HPCAL1: variants seen among roughly 807,000 people sequenced by gnomAD.
HPCAL1 encodes hippocalcin-like protein 1.
A neutral mutation model predicts 17.1 loss-of-function variants in HPCAL1; 8 were observed. The observed-to-expected ratio is 0.47, with a 90% confidence interval of 0.27 to 0.84. The LOEUF (loss-of-function observed/expected upper bound fraction) is 0.84, where lower values mean the gene tolerates loss of function less well. Among genes scored for constraint, HPCAL1 ranks in the 40% least tolerant of loss-of-function variants. HPCAL1 has a pLI of 0.13. For missense variants in HPCAL1, 165 were observed against 271.1 expected (o/e 0.61, Z 2.75); for synonymous variants, 112 against 111.4 (o/e 1.01, Z -0.03).
At chr2:10,306,973 C>T (rs902644063) in intron 1 of HPCAL1, among the ~76,000 whole-genome samples, 1 of 152,174 alleles carries the variant, frequency 6.6e-6, no homozygotes, top group South Asian at 2.1e-4. Flanking sequence ...GTGCCTTTAC[C>T]TTAAGAAGCA....
Position 10,419,602 on chromosome 2 carries a change from C to A in HPCAL1, c.-24-132C>A. ...GGTCCATAAGATAGCGGCATGCCTT[C>A]CGATGGGGGACCCGGGAGTTGCTGA... On this transcript the variant is annotated intron_variant, in intron 2 of 4. Coordinates refer to ENST00000307845, the MANE Select transcript of HPCAL1 (RefSeq NM_002149.4). The surrounding 1 kb of genome is among the most constrained non-coding windows in gnomAD (Gnocchi z 5.0). 1.3e-6 allele frequency: 1 copy of A among 795,052 alleles called. No homozygotes were observed. Among genetic ancestry groups the A allele is most frequent in the Non-Finnish European group, 1.9e-6 (1 of 517,268 alleles). 49.2% of individuals were successfully genotyped at this position (795,052 alleles called of 1,614,324 possible).
At chr2:10,387,533 A>G (rs1193033628) in intron 1 of HPCAL1, among the ~76,000 whole-genome samples, 1 of 152,216 alleles carries the variant, frequency 6.6e-6, no homozygotes. Context: ...CATGCTGGTA[A>G]GCAGGCGATA....
intron 1 of HPCAL1, among the ~76,000 whole-genome samples, chr2:10,328,845 G>T (rs184275930): frequency 2.0e-5 from 3 of 151,896 alleles, no homozygotes; most frequent in Admixed American, 6.6e-5. Context: ...TTCGACATGT[G>T]GGGGGTTGCT....
At chr2:10,358,958 A>C (rs534736406) in intron 1 of HPCAL1, among the ~76,000 whole-genome samples, 9 of 152,216 alleles carry the variant, frequency 5.9e-5, no homozygotes, top group Non-Finnish European at 1.0e-4. Context: ...CCGGGGCTTC[A>C]GCTGTAAACA....
At chr2:10,352,555 G>C (rs1353356925) in intron 1 of HPCAL1, among the ~76,000 whole-genome samples, 2 of 152,246 alleles carry the variant, frequency 1.3e-5, no homozygotes, top group East Asian at 3.8e-4. Context: ...GGCCATGCAT[G>C]CTGGGGCAAG....
In HPCAL1 at chr2:10,360,189, A is replaced by C. The variant is rs574429185; in HGVS notation, c.-110-36646A>C. Among the ~76,000 whole-genome samples, 19 of 152,256 alleles carry C rather than the reference A, an allele frequency of 1.2e-4. No individual in the cohort carries two copies. In the South Asian group the frequency reaches 4.0e-3, roughly 32 times the overall value. On this transcript the variant is annotated intron_variant, in intron 1 of 4. Transcript: ENST00000307845. ...GGAGCTGGCAAGGGAGGGGTGCACC[A>C]CCAGGGAAGGGAATTCCAGGCAGCA...
chr2:10,333,269 A>G (rs944318810), intron 1 of HPCAL1, among the ~76,000 whole-genome samples: 4 of 152,254 alleles, frequency 2.6e-5, no homozygotes, highest in African/African-American at 7.2e-5. Flanking sequence ...TCAGGTGGTC[A>G]CAGTGAATTG....
intron 2 of HPCAL1, among the ~76,000 whole-genome samples, chr2:10,411,948 G>A (rs1243476075): frequency 6.6e-6 from 1 of 152,198 alleles, no homozygotes; most frequent in African/African-American, 2.4e-5. Context: ...TTCCAGAGAA[G>A]ATTCCTCCCC....
rs1054781146 is a variant in HPCAL1, at chr2:10,365,886, C to T, written c.-110-30949C>T. On this transcript the variant is annotated intron_variant, in intron 1 of 4. Coordinates refer to ENST00000307845, the MANE Select transcript of HPCAL1 (RefSeq NM_002149.4). The surrounding 1 kb of genome is among the most constrained non-coding windows in gnomAD (Gnocchi z 4.8). Reference sequence around the variant, plus strand: ...CGCCTGCTGGGTGCTGAGCCCACACCGCATGTCCTCGGCCTCCCATTGAGA... The same window carrying T: ...CGCCTGCTGGGTGCTGAGCCCACACTGCATGTCCTCGGCCTCCCATTGAGA... 2.0e-5 allele frequency among the ~76,000 whole-genome samples: 3 copies of T among 152,212 alleles called. No individual in the cohort carries two copies. Among genetic ancestry groups the T allele is most frequent in the Admixed American group, 6.5e-5 (1 of 15,284 alleles).
intron 3 of HPCAL1, among the ~76,000 whole-genome samples, 161 bp from the exon 4 acceptor site, chr2:10,422,822 G>T (rs185486192): frequency 6.6e-6 from 1 of 152,342 alleles, no homozygotes; most frequent in Non-Finnish European, 1.5e-5. Context: ...CACCCGTGAG[G>T]TTCACTAGGG....
intron 2 of HPCAL1, among the ~76,000 whole-genome samples, chr2:10,412,680 G>A (rs551944220): frequency 9.2e-5 from 14 of 152,318 alleles, no homozygotes; most frequent in East Asian, 3.9e-4. Context: ...ACATGGTCTC[G>A]GCACAGGCTC....
intron 1 of HPCAL1, among the ~76,000 whole-genome samples, chr2:10,338,306 G>T (rs965692187): frequency 6.6e-6 from 1 of 152,028 alleles, no homozygotes; most frequent in African/African-American, 2.4e-5. Flanking sequence ...TCACTGAATC[G>T]TACCCCTTAA....
rs955165964 is a variant in HPCAL1, at chr2:10,304,935, G to A, written c.-111+1758G>A. On this transcript the variant is annotated intron_variant, in intron 1 of 4. Coordinates refer to ENST00000307845, the MANE Select transcript of HPCAL1 (RefSeq NM_002149.4). The surrounding 1 kb of genome is among the most constrained non-coding windows in gnomAD (Gnocchi z 4.1). ...GCTTCCCAACTGTCAGGGGCTACGTGATGGTGTTCCCAGAGAGGCGGGCTG... is the reference window on the plus strand; with the variant it reads ...GCTTCCCAACTGTCAGGGGCTACGTAATGGTGTTCCCAGAGAGGCGGGCTG... Among the ~76,000 whole-genome samples, 4 of 152,336 alleles carry A rather than the reference G, an allele frequency of 2.6e-5. No individual in the cohort carries two copies. The East Asian group carries it at 7.7e-4, about 29-fold the overall frequency.
chr2:10,419,934 C>T lies in HPCAL1; in HGVS notation c.177C>T (p.Gly59=), dbSNP rs142524922. 4.3e-6 allele frequency: 7 copies of T among 1,613,966 alleles called. No individual in the cohort carries two copies. The highest frequency in any genetic ancestry group is 4.2e-6 in the Non-Finnish European group (5 of 1,180,016). ...KKIYANFFPY[G]DASKFAEHVF... is the part of the protein sequence containing the mutation. Reference sequence around the variant, plus strand: ...TCTACGCCAACTTCTTCCCCTACGGCGACGCTTCCAAGTTCGCCGAGCACG... The same window carrying T: ...TCTACGCCAACTTCTTCCCCTACGGTGACGCTTCCAAGTTCGCCGAGCACG... The change falls in exon 3 of 5, where the codon GGC becomes GGT. Residue 59 remains glycine (G), a synonymous_variant. Coordinates refer to ENST00000307845, the MANE Select transcript of HPCAL1 (RefSeq NM_002149.4). This position sits in a 1 kb window ranked among gnomAD's most constrained non-coding sequence, Gnocchi z 5.0.
At chr2:10,414,850 G>A (rs769789274) in intron 2 of HPCAL1, among the ~76,000 whole-genome samples, 9 of 152,196 alleles carry the variant, frequency 5.9e-5, no homozygotes, top group South Asian at 4.1e-4. Flanking sequence ...GCCTTCTCAC[G>A]TACTGGTCCA....
chr2:10,308,559 G>A (rs934006328), intron 1 of HPCAL1, among the ~76,000 whole-genome samples: 5 of 152,168 alleles, frequency 3.3e-5, no homozygotes, highest in African/African-American at 1.2e-4. Flanking sequence ...GAGTCTTCTA[G>A]TTAGAATCAA....
chr2:10,303,777 C>G (rs1046551788), intron 1 of HPCAL1: 1 of 152,244 alleles, frequency 6.6e-6, no homozygotes, highest in Admixed American at 6.5e-5. Flanking sequence ...CGAGGAGAGC[C>G]CTGGCCTCCC....
At chr2:10,421,649 T>A (rs1433075859) in intron 3 of HPCAL1, among the ~76,000 whole-genome samples, 1 of 152,162 alleles carries the variant, frequency 6.6e-6, no homozygotes, top group Non-Finnish European at 1.5e-5. Context: ...GACAGTGAGC[T>A]GTGATTGCAC....
intron 1 of HPCAL1, among the ~76,000 whole-genome samples, chr2:10,313,024 G>A (rs895916510): frequency 6.6e-6 from 1 of 152,194 alleles, no homozygotes; most frequent in Non-Finnish European, 1.5e-5. Context: ...TTCTTTGGGG[G>A]TTTTCTACTG....
Sources: gnomAD v4.1 joint callset for allele counts (sites outside exome capture counted in the v4.1 genomes callset) on GRCh38, gnomAD v4.1.1 for gene constraint, Gnocchi (gnomAD v3.1) non-coding constraint, MANE v1.5 for transcripts, NCBI Gene and HGNC (gene_info 2026-07-23, HGNC 2026-07-21) for gene names.